CFAP54: variants seen among roughly 807,000 people sequenced by gnomAD.
CFAP54 encodes the protein cilia and flagella associated protein 54.
CFAP54 carries 290 observed loss-of-function variants against 370.4 expected under a neutral mutation model. The ratio of observed to expected loss-of-function variants is 0.78; its 90% confidence interval spans 0.71 to 0.86. CFAP54 has a LOEUF of 0.86. CFAP54 is among the 40% of genes least tolerant of loss of function. The pLI is 0.00. For synonymous variants in CFAP54, 1,206 were observed against 1,236.5 expected, an observed-to-expected ratio of 0.98 and a Z score of 0.52; for missense variants, 3,399 against 3,528.7, an observed-to-expected ratio of 0.96 and a Z score of 0.93.
intron 32 of CFAP54, among the ~76,000 whole-genome samples, chr12:96,636,879 A>G (rs1346155400): frequency 6.6e-6 from 1 of 151,906 alleles, no homozygotes; most frequent in African/African-American, 2.4e-5. Flanking sequence ...AAACAAACAA[A>G]CAAAAAACAG....
chr12:96,784,882 A>G lies in CFAP54; in HGVS notation c.8447A>G (p.Lys2816Arg). The G allele has an allele frequency of 6.6e-7, 1 of 1,515,916 alleles. No individual in the cohort carries two copies. The highest frequency in any genetic ancestry group is 8.8e-7 in the Non-Finnish European group (1 of 1,137,100). 93.9% of individuals were successfully genotyped at this position (1,515,916 alleles called of 1,614,324 possible). The change falls in exon 61 of 68, where the codon AAA (lysine) becomes AGA (arginine). Residue 2816 changes from lysine to arginine, a missense_variant. By Grantham distance (26) the Lys-to-Arg change is conservative (BLOSUM62 2). Coordinates refer to ENST00000524981, the MANE Select transcript of CFAP54 (RefSeq NM_001306084.2). ...CTTCAGAGGATTAATAATCTGAGCA[A>G]ACTGCTAGGTAGGTTTTTTGATGTG... ...IHLQRINNLS[K>R]LLASATPVSG...
chr12:96,545,077 A>AT (rs1271318979), intron 14 of CFAP54, among the ~76,000 whole-genome samples: 2 of 151,830 alleles, frequency 1.3e-5, no homozygotes, highest in African/African-American at 4.8e-5. Context: ...ACACCCAGCA[A>AT]TTTTTTTGTA....
At chr12:96,599,269 T>C (rs917235971) in intron 26 of CFAP54, among the ~76,000 whole-genome samples, 2 of 151,970 alleles carry the variant, frequency 1.3e-5, no homozygotes, top group African/African-American at 4.8e-5. Context: ...TTTGGTTTTC[T>C]GTCCTTGTGA....
chr12:96,631,448 T>C (rs1956606679), intron 32 of CFAP54, among the ~76,000 whole-genome samples: 1 of 150,108 alleles, frequency 6.7e-6, no homozygotes, highest in Non-Finnish European at 1.5e-5. Context: ...AAATAATGCA[T>C]GCTGTAATTT....
In CFAP54 at chr12:96,597,847, C is replaced by T. The variant is rs77030829; in HGVS notation, c.3517-798C>T. 4.6e-3 allele frequency among the ~76,000 whole-genome samples: 691 copies of T among 151,812 alleles called. 5 individuals are homozygous for T. Among genetic ancestry groups the T allele is most frequent in the African/African-American group, 0.016 (658 of 41,420 alleles). ...TATGTATTTATATTTATATGAGCTT[C>T]GGGAAAACTCCAAAACTACTAGGGT... is the stretch of plus-strand genomic sequence containing the variant. On this transcript the variant is annotated intron_variant, in intron 25 of 67. Transcript: ENST00000524981.
intron 47 of CFAP54, 63 bp from the exon 48 acceptor site, chr12:96,708,545 A>G (rs1957570641): frequency 2.1e-6 from 3 of 1,399,258 alleles, no homozygotes; most frequent in Admixed American, 4.4e-5. Flanking sequence ...AAAAGAATGA[A>G]TATAATAATA....
At chr12:96,543,996 C>G (rs1371964552) in intron 14 of CFAP54, among the ~76,000 whole-genome samples, 1 of 152,064 alleles carries the variant, frequency 6.6e-6, no homozygotes, top group Non-Finnish European at 1.5e-5. Flanking sequence ...TCAGATGTGA[C>G]TCTGTGATAC....
intron 22 of CFAP54, among the ~76,000 whole-genome samples, chr12:96,586,512 A>C (rs1157153694): frequency 2.0e-5 from 3 of 152,148 alleles, no homozygotes; most frequent in Non-Finnish European, 2.9e-5. Context: ...TTAAGTAGAG[A>C]CTTGAAGGAG....
intron 52 of CFAP54, 22 bp from the exon 53 acceptor site, chr12:96,743,380 T>C (rs747026723): frequency 6.2e-7 from 1 of 1,607,984 alleles, no homozygotes; most frequent in Non-Finnish European, 8.5e-7. Flanking sequence ...GCATTTTAAA[T>C]AACCGCATTT....
At chr12:96,577,229 T>G (rs745588626) in intron 20 of CFAP54, among the ~76,000 whole-genome samples, 7 of 152,152 alleles carry the variant, frequency 4.6e-5, no homozygotes, top group Non-Finnish European at 8.8e-5. Context: ...TAACTGTAGA[T>G]TCTTTCAACA....
chr12:96,564,795 C>A, intron 19 of CFAP54, 30 bp downstream of exon 19: 1 of 557,488 alleles, frequency 1.8e-6, no homozygotes, highest in South Asian at 2.5e-5. Flanking sequence ...TCTTTTAATC[C>A]TGACATAAAA....
chr12:96,843,665 G>A (rs373082205), intron 66 of CFAP54, among the ~76,000 whole-genome samples: 27 of 152,310 alleles, frequency 1.8e-4, no homozygotes, highest in Admixed American at 8.5e-4. Context: ...ACCACTGCAG[G>A]AGAAAAGAGG....
At chr12:96,549,103 C>G (rs1387643825) in intron 15 of CFAP54, among the ~76,000 whole-genome samples, 1 of 152,202 alleles carries the variant, frequency 6.6e-6, no homozygotes, top group Non-Finnish European at 1.5e-5. Flanking sequence ...ATCTGCCCAC[C>G]TCGGCCTCCC....
In CFAP54 at chr12:96,525,556, A is replaced by G. The variant is rs148614998; in HGVS notation, c.1159-1690A>G. Among the ~76,000 whole-genome samples, 53 of 152,178 alleles carry G rather than the reference A, an allele frequency of 3.5e-4. No homozygotes were observed. The East Asian group carries it at 7.9e-3, about 23-fold the overall frequency. On this transcript the variant is annotated intron_variant, in intron 8 of 67. Coordinates refer to ENST00000524981, the MANE Select transcript of CFAP54 (RefSeq NM_001306084.2). ...TTTGGGTTTTACCATTTCATTTTGAATACTTCTAATTATTATAAAGTTAAT... is the reference window on the plus strand; with the variant it reads ...TTTGGGTTTTACCATTTCATTTTGAGTACTTCTAATTATTATAAAGTTAAT...
chr12:96,498,342 T>G (rs1046623839), intron 1 of CFAP54, among the ~76,000 whole-genome samples: 7 of 152,146 alleles, frequency 4.6e-5, no homozygotes, highest in African/African-American at 1.7e-4. Context: ...ATCACCTACC[T>G]AAATGTAAAA....
At chr12:96,663,733 A>T in intron 38 of CFAP54, 97 bp from the exon 39 acceptor site, 1 of 817,672 alleles carries the variant, frequency 1.2e-6, no homozygotes, top group Non-Finnish European at 2.0e-6. Flanking sequence ...GTATCTCTTT[A>T]TTCTGATAAA....
Position 96,786,916 on chromosome 12 carries a change from A to G in CFAP54, c.8679+18A>G. On this transcript the variant is annotated intron_variant, in intron 62 of 67. Coordinates refer to ENST00000524981, the MANE Select transcript of CFAP54 (RefSeq NM_001306084.2). ...CTGCCAAGGTAACGTTTTTTGAAAC[A>G]TGATATATTTACATAAAACTTCTTG... The G allele has an allele frequency of 6.8e-7, 1 of 1,478,716 alleles. No individual in the cohort carries two copies. Among genetic ancestry groups the G allele is most frequent in the South Asian group, 1.3e-5 (1 of 79,928 alleles). The allele number at this position is 1,478,716 out of a possible 1,614,324, so 91.6% of individuals were successfully genotyped here. A position where few individuals can be genotyped will look rare whatever the true frequency, so the allele number is the denominator to read the frequency against.
intron 62 of CFAP54, among the ~76,000 whole-genome samples, chr12:96,787,310 C>T (rs1958639061): frequency 6.8e-6 from 1 of 146,306 alleles, no homozygotes; most frequent in Non-Finnish European, 1.5e-5. Context: ...ATTGTGAGTA[C>T]CTTTTGCAAT....
chr12:96,791,024 C>A (rs1046098930), intron 62 of CFAP54, among the ~76,000 whole-genome samples: 10 of 152,160 alleles, frequency 6.6e-5, no homozygotes, highest in African/African-American at 2.4e-4. Flanking sequence ...CCAGGCATTT[C>A]TTTCTGGCCA....
Sources: allele counts gnomAD v4.1 joint callset (sites outside exome capture counted in the v4.1 genomes callset), GRCh38; gene constraint gnomAD v4.1.1; transcripts MANE v1.5; gene names NCBI Gene and HGNC (gene_info 2026-07-23, HGNC 2026-07-21).